The following GRHL2 variants were observed in gnomAD, a reference collection of about 807,000 sequenced individuals.
GRHL2 encodes grainyhead like transcription factor 2.
A neutral mutation model predicts 83.8 loss-of-function variants in GRHL2; 21 were observed. The ratio of observed to expected loss-of-function variants is 0.25; its 90% CI spans 0.18 to 0.36. GRHL2 has a LOEUF of 0.36. Ranked by LOEUF, GRHL2 falls within the 10% of genes least tolerant of loss-of-function variation. The pLI, the probability that GRHL2 is intolerant of heterozygous loss-of-function variation, is 1.00. For synonymous variants in GRHL2, 280 were observed against 278.9 expected (o/e 1.00, Z -0.04); for missense variants, 623 against 781.8 (o/e 0.80, Z 2.42).
At chr8:101,492,858 T>C (rs1809993596) in intron 1 of GRHL2, 69 bp downstream of exon 1, 10 of 1,437,836 alleles carry the variant, frequency 7.0e-6, no homozygotes, top group African/African-American at 1.4e-5. Flanking sequence ...TGGTTTGTTA[T>C]GTTTTTGTTT....
At chr8:101,666,010 G>T (rs1814045775) in intron 15 of GRHL2, among the ~76,000 whole-genome samples, 1 of 152,240 alleles carries the variant, frequency 6.6e-6, no homozygotes. Context: ...GCTCAGCCAT[G>T]TGCTAACTGA....
intron 4 of GRHL2, among the ~76,000 whole-genome samples, chr8:101,560,291 A>C (rs1020480879): frequency 3.3e-5 from 5 of 152,160 alleles, no homozygotes; most frequent in African/African-American, 1.2e-4. Context: ...GGCCTCCCGA[A>C]GTGCTGGGAT....
At chr8:101,610,200 C>T (rs1465661758) in intron 8 of GRHL2, among the ~76,000 whole-genome samples, 1 of 150,978 alleles carries the variant, frequency 6.6e-6, no homozygotes, top group East Asian at 1.9e-4. Context: ...TCAACCCCTC[C>T]CAAAGTGCTG....
the GRHL2 span, among the ~76,000 whole-genome samples, chr8:101,678,639 A>C: frequency 1.3e-5 from 2 of 150,608 alleles, no homozygotes; most frequent in East Asian, 4.0e-4. Context: ...GGGCACAGAC[A>C]AACAAAAAGA....
At chr8:101,573,909 A>G in intron 6 of GRHL2, 85 bp downstream of exon 6, 1 of 1,451,242 alleles carries the variant, frequency 6.9e-7, no homozygotes, top group South Asian at 1.2e-5. Context: ...TGGCATGGAA[A>G]AAAAATAAAA....
chr8:101,535,701 G>A (rs933347934), intron 1 of GRHL2, among the ~76,000 whole-genome samples: 3 of 151,974 alleles, frequency 2.0e-5, no homozygotes, highest in Non-Finnish European at 4.4e-5. Flanking sequence ...ACCACACCTG[G>A]CTAATTTTTT....
chr8:101,543,134 C>A, intron 1 of GRHL2, 107 bp from the exon 2 acceptor site: 1 of 882,384 alleles, frequency 1.1e-6, no homozygotes, highest in Non-Finnish European at 1.9e-6. Context: ...CTCCCCCATT[C>A]TGGGGAAATA....
chr8:101,619,119 G>A (rs1415281266), intron 8 of GRHL2, among the ~76,000 whole-genome samples: 5 of 152,078 alleles, frequency 3.3e-5, no homozygotes, highest in Non-Finnish European at 7.3e-5. Flanking sequence ...CAGACGTGGT[G>A]GCAGGCTCCT....
intron 9 of GRHL2, among the ~76,000 whole-genome samples, chr8:101,627,569 C>T (rs949167606): frequency 3.3e-5 from 5 of 152,182 alleles, no homozygotes; most frequent in Admixed American, 6.6e-5. Flanking sequence ...AAACCTACAA[C>T]GGCCCCTGAG....
At chr8:101,607,603 A>C (rs751265359) in intron 8 of GRHL2, among the ~76,000 whole-genome samples, 12 of 152,230 alleles carry the variant, frequency 7.9e-5, no homozygotes, top group Admixed American at 5.2e-4. Context: ...ACAGAATATT[A>C]CAGAACATAT....
At chr8:101,497,826 TTTAC>T (rs1257051070) in intron 1 of GRHL2, among the ~76,000 whole-genome samples, 2 of 152,236 alleles carry the variant, frequency 1.3e-5, no homozygotes, top group Admixed American at 6.5e-5. Flanking sequence ...TCTGTGGACT[TTTAC>T]TTTATGCTAC....
intron 9 of GRHL2, among the ~76,000 whole-genome samples, chr8:101,620,033 G>T (rs1180765834): frequency 6.6e-6 from 1 of 152,168 alleles, no homozygotes; most frequent in African/African-American, 2.4e-5. Context: ...AGGCTGGAAA[G>T]TCCAAGGTCA....
intron 1 of GRHL2, 78 bp from the exon 2 acceptor site, chr8:101,543,163 C>A: frequency 3.9e-6 from 4 of 1,021,096 alleles, no homozygotes; most frequent in South Asian, 1.3e-5. Context: ...TGTTTGTAGT[C>A]ATGTAATATG....
At chr8:101,676,110 G>A in the GRHL2 span, among the ~76,000 whole-genome samples, 1 of 151,240 alleles carries the variant, frequency 6.6e-6, no homozygotes, top group African/African-American at 2.4e-5. Flanking sequence ...AAAAACCCTA[G>A]AAGAAAACCT....
chr8:101,512,017 C>G (rs926450647), intron 1 of GRHL2, among the ~76,000 whole-genome samples: 8 of 152,248 alleles, frequency 5.3e-5, no homozygotes, highest in Non-Finnish European at 1.0e-4. Context: ...TATTTTTTAA[C>G]TCTTCAGTGT....
chr8:101,504,723 T>A (rs1488916225), intron 1 of GRHL2, among the ~76,000 whole-genome samples: 1 of 151,894 alleles, frequency 6.6e-6, no homozygotes, highest in Non-Finnish European at 1.5e-5. Context: ...ACACAGTGAC[T>A]CATCTGACTG....
chr8:101,511,404 T>C (rs766508760), intron 1 of GRHL2, among the ~76,000 whole-genome samples: 3 of 152,184 alleles, frequency 2.0e-5, no homozygotes, highest in Admixed American at 1.3e-4. Flanking sequence ...CAGCAGTGCA[T>C]CTTATCAGTC....
intron 2 of GRHL2, among the ~76,000 whole-genome samples, chr8:101,549,398 T>C (rs907456848): frequency 1.3e-5 from 2 of 152,174 alleles, no homozygotes; most frequent in African/African-American, 4.8e-5. Context: ...TGAGTCTTCC[T>C]AATGGATCCA....
chr8:101,526,232 T>C (rs1431015537), intron 1 of GRHL2, among the ~76,000 whole-genome samples: 1 of 152,224 alleles, frequency 6.6e-6, no homozygotes, highest in Non-Finnish European at 1.5e-5. Flanking sequence ...TGGTAGTTTT[T>C]AAAGGTTAAT....
Sources: allele counts gnomAD v4.1 joint callset (sites outside exome capture counted in the v4.1 genomes callset), GRCh38; gene constraint gnomAD v4.1.1; transcripts MANE v1.5; gene names NCBI Gene and HGNC (gene_info 2026-07-23, HGNC 2026-07-21).